The following ATP2B4 variants were observed in gnomAD, a reference collection of about 807,000 sequenced individuals.
ATP2B4 encodes the protein plasma membrane calcium-transporting ATPase 4.
Under a neutral mutation model 110.3 loss-of-function variants are expected in ATP2B4, and 39 were observed. That is an observed-to-expected ratio of 0.35 (90% CI 0.27 to 0.46). The LOEUF is 0.46. Among genes scored for constraint, ATP2B4 ranks in the 20% least tolerant of loss-of-function variants. The probability of loss-of-function intolerance (pLI) is 1.00; values close to 1 mark genes in which losing one functional copy is unlikely to be tolerated. For synonymous variants in ATP2B4, 538 were observed against 571.7 expected (o/e 0.94, Z 0.84); for missense variants, 1,135 against 1,530.9 (o/e 0.74, Z 4.32).
intron 1 of ATP2B4, chr1:203,657,829 G>A (rs1255492583): frequency 6.1e-6 from 3 of 494,568 alleles, no homozygotes; most frequent in Non-Finnish European, 1.1e-5. Context: ...TAAGGTCTCA[G>A]AGACTCCACG....
chr1:203,700,123 G>C, intron 4 of ATP2B4, 83 bp from the exon 5 acceptor site: 2 of 1,485,202 alleles, frequency 1.3e-6, no homozygotes, highest in Non-Finnish European at 1.8e-6. Flanking sequence ...CCATGAGATA[G>C]GGTTGAAGGA....
intron 1 of ATP2B4, among the ~76,000 whole-genome samples, chr1:203,635,926 C>T (rs980966059): frequency 6.6e-6 from 1 of 152,190 alleles, no homozygotes; most frequent in Admixed American, 6.5e-5. Flanking sequence ...CCTTCCCACC[C>T]TCACTGCTCC....
intron 1 of ATP2B4, among the ~76,000 whole-genome samples, chr1:203,633,299 C>T (rs1663332490): frequency 6.6e-6 from 1 of 152,140 alleles, no homozygotes; most frequent in African/African-American, 2.4e-5. Context: ...AAACTCTGAA[C>T]AGAAATGCCA....
In ATP2B4 at chr1:203,721,373, C is replaced by T; in HGVS notation, c.2775C>T (p.Phe925=). Residue 925 remains phenylalanine (F), a synonymous_variant, in exon 17 of 21, where the codon TTC becomes TTT. Coordinates refer to ENST00000357681, the MANE Select transcript of ATP2B4 (RefSeq NM_001684.5). ...TGAAGAACATCTTGGGCCATGCATT[C>T]TATCAGCTCATTGTCATCTTTATCC... ...TMMKNILGHA[F]YQLIVIFILV... 1.9e-6 allele frequency: 3 copies of T among 1,614,140 alleles called. No homozygotes were observed. Among genetic ancestry groups the T allele is most frequent in the Non-Finnish European group, 2.5e-6 (3 of 1,180,024 alleles).
At chr1:203,675,540 G>A (rs1254641720) in intron 1 of ATP2B4, among the ~76,000 whole-genome samples, 2 of 152,170 alleles carry the variant, frequency 1.3e-5, no homozygotes, top group Non-Finnish European at 2.9e-5. Context: ...GATGTAGTTT[G>A]ACCAAAAAGC....
chr1:203,727,870 A>G (rs1380597458), intron 20 of ATP2B4: 12 of 394,334 alleles, frequency 3.0e-5, no homozygotes, highest in Non-Finnish European at 4.7e-5. Flanking sequence ...GCTTCAGCAT[A>G]AGGTCTCTTG....
At chr1:203,697,640 T>TTAGGATGGTTGTC (rs1249450708) in intron 2 of ATP2B4, among the ~76,000 whole-genome samples, 2 of 152,208 alleles carry the variant, frequency 1.3e-5, no homozygotes, top group African/African-American at 2.4e-5. Context: ...CCTGGGCAGA[T>TTAGGATGGTTGTC]TAGGATGGTT....
chr1:203,627,481 A>G (rs1355959593), intron 1 of ATP2B4, among the ~76,000 whole-genome samples: 5 of 152,064 alleles, frequency 3.3e-5, no homozygotes, highest in South Asian at 2.1e-4. Flanking sequence ...GCTATGGGGT[A>G]GGGTAATGGA....
rs1219123443 is a variant in ATP2B4, at chr1:203,716,109, A to G, written c.2406+1832A>G. ...AGGATCTCTATGTTGGGAGTCCCCA[A>G]AAACACCCCTATATTCATGGGGTTG... On this transcript the variant is annotated intron_variant, in intron 15 of 20. Transcript: ENST00000357681. Among the ~76,000 whole-genome samples the G allele has an allele frequency of 2.1e-5, 3 of 144,858 alleles. 1 individual carries two copies. The highest frequency in any genetic ancestry group is 3.1e-5 in the Non-Finnish European group (2 of 65,092).
intron 1 of ATP2B4, among the ~76,000 whole-genome samples, chr1:203,676,755 T>C (rs932718421): frequency 2.6e-5 from 4 of 151,652 alleles, no homozygotes; most frequent in African/African-American, 7.3e-5. Flanking sequence ...CAGGCAGGAA[T>C]TGGATATGCT....
chr1:203,706,817 A>G lies in ATP2B4; in HGVS notation c.1100-192A>G, dbSNP rs56936921. Among the ~76,000 whole-genome samples, 643 of 152,282 alleles carry G rather than the reference A, an allele frequency of 4.2e-3. 6 individuals are homozygous for G. Among genetic ancestry groups the G allele is most frequent in the African/African-American group, 0.015 (618 of 41,562 alleles). On this transcript the variant is annotated intron_variant, in intron 8 of 20. Coordinates refer to ENST00000357681, the MANE Select transcript of ATP2B4 (RefSeq NM_001684.5). ...AGAATAGAACCTGTGTCTTTGAAAT[A>G]CGAAACCACTGTCTGTTCCCTATGC...
intron 4 of ATP2B4, 72 bp downstream of exon 4, chr1:203,699,789 G>A: frequency 6.4e-7 from 1 of 1,573,590 alleles, no homozygotes; most frequent in African/African-American, 1.4e-5. Context: ...TTGGCATGAG[G>A]GGGCTGGGAA....
At chr1:203,689,616 C>T (rs1022778993) in intron 2 of ATP2B4, among the ~76,000 whole-genome samples, 1 of 152,180 alleles carries the variant, frequency 6.6e-6, no homozygotes, top group Non-Finnish European at 1.5e-5. Context: ...GAGTTGAAGG[C>T]GTGACAGTGA....
At chr1:203,681,432 G>T (rs1395100755) in intron 1 of ATP2B4, among the ~76,000 whole-genome samples, 1 of 152,142 alleles carries the variant, frequency 6.6e-6, no homozygotes, top group Admixed American at 6.5e-5. Context: ...TTACAGAGAG[G>T]TTGGCCAGAG....
intron 2 of ATP2B4, among the ~76,000 whole-genome samples, chr1:203,693,898 T>C (rs1431070941): frequency 6.6e-6 from 1 of 152,150 alleles, no homozygotes; most frequent in Non-Finnish European, 1.5e-5. Context: ...GACAAGTTAG[T>C]CACACTAGAT....
intron 1 of ATP2B4, among the ~76,000 whole-genome samples, chr1:203,677,398 G>T (rs1664859824): frequency 6.6e-6 from 1 of 152,172 alleles, no homozygotes; most frequent in African/African-American, 2.4e-5. Context: ...GCCTCGCTTG[G>T]AATGAGGGAG....
intron 11 of ATP2B4, 62 bp from the exon 12 acceptor site, chr1:203,710,815 T>A: frequency 7.6e-7 from 1 of 1,322,564 alleles, no homozygotes; most frequent in South Asian, 1.3e-5. Context: ...TACCTGTCAA[T>A]GATTGTAGAA....
At chr1:203,670,126 T>C (rs1664618495) in intron 1 of ATP2B4, among the ~76,000 whole-genome samples, 1 of 152,176 alleles carries the variant, frequency 6.6e-6, no homozygotes, top group Non-Finnish European at 1.5e-5. Flanking sequence ...CTCTTTGTCT[T>C]TTTATGTATT....
chr1:203,733,560 G>A (rs1666796328), intron 20 of ATP2B4: 3 of 634,676 alleles, frequency 4.7e-6, no homozygotes, highest in Non-Finnish European at 7.7e-6. Context: ...TCTAAAACCA[G>A]ACTGTGTGCC....
Sources: allele counts gnomAD v4.1 joint callset (sites outside exome capture counted in the v4.1 genomes callset), GRCh38; gene constraint gnomAD v4.1.1; transcripts MANE v1.5; gene names NCBI Gene and HGNC (gene_info 2026-07-23, HGNC 2026-07-21).